Variants in NOS1AP observed in about 807,000 individuals in gnomAD.
NOS1AP encodes the protein carboxyl-terminal PDZ ligand of neuronal nitric oxide synthase protein.
Under a neutral mutation model 56.2 loss-of-function variants are expected in NOS1AP, and 21 were observed. The observed-to-expected ratio is 0.37, with a 90% CI of 0.26 to 0.54. The LOEUF (loss-of-function observed/expected upper bound fraction) is 0.54. Ranked by LOEUF, NOS1AP falls within the 20% of genes least tolerant of loss-of-function variation. The pLI, the probability that NOS1AP is intolerant of heterozygous loss-of-function variation, is 0.84. For synonymous variants in NOS1AP, 270 were observed against 274.6 expected, an observed-to-expected ratio of 0.98 and a Z score of 0.17; for missense variants, 522 against 657.8, an observed-to-expected ratio of 0.79 and a Z score of 2.26.
rs1488694269 is a variant in NOS1AP, at chr1:162,367,043, C to G, written c.1106-9C>G. On this transcript the variant is annotated splice_polypyrimidine_tract_variant and intron_variant, in intron 9 of 9. Transcript: ENST00000361897. The surrounding 1 kb of genome is among the most constrained non-coding windows in gnomAD (Gnocchi z 6.5). ...GCTGCCCCTCTGCTACCTCTTGTCT[C>G]CCCTGCAGTGGGCTCCCAGGACAGC... 1.2e-6 allele frequency: 2 copies of G among 1,613,870 alleles called. No homozygotes were observed.
At chr1:162,074,621 C>T (rs1691731760) in intron 1 of NOS1AP, among the ~76,000 whole-genome samples, 2 of 152,314 alleles carry the variant, frequency 1.3e-5, no homozygotes, top group South Asian at 4.1e-4. Context: ...CACTTCAAAA[C>T]AAACGACCTC....
chr1:162,356,824 A>G, intron 7 of NOS1AP, 136 bp from the exon 8 acceptor site: 1 of 1,582,970 alleles, frequency 6.3e-7, no homozygotes, highest in Non-Finnish European at 8.6e-7. Context: ...TCCCATTTCC[A>G]TTGAAGATAT....
In NOS1AP at chr1:162,111,306, G is replaced by A. The variant is rs138085658; in HGVS notation, c.105+41024G>A. Among the ~76,000 whole-genome samples the A allele has an allele frequency of 2.0e-4, 31 of 152,354 alleles. 1 individual carries two copies. Among genetic ancestry groups the A allele is most frequent in the African/African-American group, 6.0e-4 (25 of 41,594 alleles). On this transcript the variant is annotated intron_variant, in intron 1 of 9. Transcript: ENST00000361897. The stretch of plus-strand genomic sequence containing the variant: ...GTTTGGAGAACAGAAAGAGAATACA[G>A]GAGAGAACATGAAAGCCATTGGAGA...
Position 162,355,245 on chromosome 1 carries a change from C to A in NOS1AP, c.654C>A (p.Ile218=). The A allele has an allele frequency of 6.2e-7, 1 of 1,614,060 alleles. No individual in the cohort carries two copies. The change falls in exon 7 of 10, where the codon ATC becomes ATA. Residue 218 remains isoleucine (I), a synonymous_variant. Transcript: ENST00000361897. ...ASTATAEETD[I]DAVEVPLPGN... ...CGGCCACTGCAGAGGAGACTGACAT[C>A]GATGCGGTGGAGGTCCCACTTCCAG... is the stretch of plus-strand genomic sequence containing the variant.
chr1:162,270,606 T>C (rs955247830), intron 2 of NOS1AP, among the ~76,000 whole-genome samples: 6 of 152,236 alleles, frequency 3.9e-5, no homozygotes, highest in African/African-American at 1.2e-4. Flanking sequence ...ATTAAGGGAC[T>C]GAGCGAGGGA....
At chr1:162,308,340 G>A (rs1018312528) in intron 4 of NOS1AP, among the ~76,000 whole-genome samples, 1 of 152,218 alleles carries the variant, frequency 6.6e-6, no homozygotes. Context: ...GGGTATGGCT[G>A]TGGGTAAGAG....
chr1:162,114,775 G>T (rs1477109344), intron 1 of NOS1AP, among the ~76,000 whole-genome samples: 1 of 152,160 alleles, frequency 6.6e-6, no homozygotes, highest in Non-Finnish European at 1.5e-5. Flanking sequence ...TCTAGATTTT[G>T]TCATATTCAC....
chr1:162,224,262 A>G lies in NOS1AP; in HGVS notation c.178-63082A>G, dbSNP rs562906651. Among the ~76,000 whole-genome samples, 17 of 152,202 alleles carry G rather than the reference A, an allele frequency of 1.1e-4. 1 individual carries two copies. Among genetic ancestry groups the G allele is most frequent in the African/African-American group, 4.1e-4 (17 of 41,532 alleles). On this transcript the variant is annotated intron_variant, in intron 2 of 9. Coordinates refer to ENST00000361897, the MANE Select transcript of NOS1AP (RefSeq NM_014697.3). ...TTTTGAGACCGTTCATTCATTCAAC[A>G]CATATTTATTGCCTGCTTTTTTATT...
intron 4 of NOS1AP, 146 bp downstream of exon 4, chr1:162,300,852 G>A (rs927016585): frequency 4.3e-6 from 3 of 702,866 alleles, no homozygotes; most frequent in African/African-American, 3.5e-5. Context: ...TCCATTAGAT[G>A]TGAGTTCAAG....
At chr1:162,099,551 G>C (rs1160173796) in intron 1 of NOS1AP, among the ~76,000 whole-genome samples, 2 of 152,022 alleles carry the variant, frequency 1.3e-5, no homozygotes, top group Non-Finnish European at 2.9e-5. Flanking sequence ...TTGTGGTTTT[G>C]ATTTGTATTT....
At chr1:162,162,921 A>G (rs1426305829) in intron 2 of NOS1AP, among the ~76,000 whole-genome samples, 2 of 152,044 alleles carry the variant, frequency 1.3e-5, no homozygotes, top group African/African-American at 4.8e-5. Context: ...TGGGGCGCGA[A>G]CCCCAAAAAG....
intron 2 of NOS1AP, among the ~76,000 whole-genome samples, chr1:162,262,676 A>T (rs889731967): frequency 1.3e-5 from 2 of 152,170 alleles, no homozygotes; most frequent in African/African-American, 4.8e-5. Flanking sequence ...ATGACTTAGC[A>T]CCCCTTTGTT....
chr1:162,348,351 G>A (rs1657371315), intron 6 of NOS1AP, among the ~76,000 whole-genome samples: 1 of 152,210 alleles, frequency 6.6e-6, no homozygotes, highest in African/African-American at 2.4e-5. Flanking sequence ...GCTGAGCAGA[G>A]TATTGATGAG....
intron 1 of NOS1AP, among the ~76,000 whole-genome samples, chr1:162,094,374 G>T (rs748409674): frequency 6.6e-6 from 1 of 152,100 alleles, no homozygotes; most frequent in Non-Finnish European, 1.5e-5. Flanking sequence ...TCAGACTCTG[G>T]TCTGATTGAA....
chr1:162,298,579 G>C (rs781393288), intron 3 of NOS1AP, among the ~76,000 whole-genome samples: 1 of 152,228 alleles, frequency 6.6e-6, no homozygotes, highest in Non-Finnish European at 1.5e-5. Context: ...GTCACAGTAA[G>C]ACAGTGAATG....
intron 2 of NOS1AP, among the ~76,000 whole-genome samples, chr1:162,247,764 C>T (rs991403064): frequency 5.3e-5 from 8 of 152,134 alleles, no homozygotes; most frequent in Non-Finnish European, 8.8e-5. Context: ...GCATCTTATT[C>T]CCTATTGAAA....
intron 4 of NOS1AP, among the ~76,000 whole-genome samples, chr1:162,307,656 A>G (rs1655881026): frequency 6.6e-6 from 1 of 151,678 alleles, no homozygotes; most frequent in South Asian, 2.1e-4. Context: ...ACAGAAATAC[A>G]CTGTAATAGC....
chr1:162,189,362 G>GA (rs754769478), intron 2 of NOS1AP, among the ~76,000 whole-genome samples: 1 of 151,812 alleles, frequency 6.6e-6, no homozygotes, highest in Non-Finnish European at 1.5e-5. Flanking sequence ...ATTTATTGTA[G>GA]AAAAAACTGG....
rs1400941877 is a variant in NOS1AP, at chr1:162,251,877, T to TG, written c.178-35467_178-35466insG. 4.9e-3 allele frequency among the ~76,000 whole-genome samples: 677 copies of TG among 138,810 alleles called. 26 individuals carry two copies. The East Asian group carries it at 0.055, about 11-fold the overall frequency. The allele number at this position is 138,810 out of a possible 152,430, so 91.1% of individuals were successfully genotyped here. A position where few individuals can be genotyped will look rare whatever the true frequency, so the allele number is the denominator to read the frequency against. On this transcript the variant is annotated intron_variant, in intron 2 of 9. Coordinates refer to ENST00000361897, the MANE Select transcript of NOS1AP (RefSeq NM_014697.3). The stretch of plus-strand genomic sequence containing the variant: ...TAGTTGTTTTTTTTTTTGTTTTTTT[T>TG]TTTTTTTTTTTTGTGGAGACAAGGT...
Sources: gnomAD v4.1 joint callset for allele counts (sites outside exome capture counted in the v4.1 genomes callset) on GRCh38, gnomAD v4.1.1 for gene constraint, Gnocchi (gnomAD v3.1) non-coding constraint, MANE v1.5 for transcripts, NCBI Gene and HGNC (gene_info 2026-07-23, HGNC 2026-07-21) for gene names.